The following MBTPS2 variants were observed in gnomAD, a reference collection of about 807,000 sequenced individuals.
The protein encoded by MBTPS2 is membrane-bound transcription factor site-2 protease.
Under a neutral mutation model 35.4 loss-of-function variants are expected in MBTPS2, and 2 were observed. The observed-to-expected ratio is 0.06, with a 90% CI of 0.02 to 0.18. MBTPS2 has a LOEUF of 0.18. Ranked by LOEUF, MBTPS2 falls within the 10% of genes least tolerant of loss-of-function variation. MBTPS2 has a pLI of 1.00. For missense variants in MBTPS2, 244 were observed against 386.5 expected (o/e 0.63, Z 3.09); for synonymous variants, 125 against 140.4 (o/e 0.89, Z 0.77).
At chrX:21,840,136 C>T (rs765047199) in intron 1 of MBTPS2, among the ~76,000 whole-genome samples, 211 of 112,601 alleles carry the variant, frequency 1.9e-3, no homozygotes, top group Non-Finnish European at 3.2e-3. Context: ...GAAAAGAAAA[C>T]GTCTGCTTAG....
At chrX:21,856,829 C>T (rs2092923483) in intron 5 of MBTPS2, 10 of 1,211,837 alleles carry the variant, frequency 8.3e-6, no homozygotes, top group South Asian at 3.5e-5. Flanking sequence ...AAGACGAGCA[C>T]TTCCAGATGA....
chrX:21,875,922 C>T (rs759761243), intron 7 of MBTPS2, among the ~76,000 whole-genome samples: 84 of 111,514 alleles, frequency 7.5e-4, no homozygotes, highest in Non-Finnish European at 1.1e-3. Flanking sequence ...AGAAGGTGGT[C>T]AAGGAACTGC....
intron 1 of MBTPS2, among the ~76,000 whole-genome samples, chrX:21,842,955 G>A (rs760592373): frequency 8.9e-6 from 1 of 112,316 alleles, no homozygotes; most frequent in South Asian, 3.7e-4. Flanking sequence ...TTCGGATTTG[G>A]CCTGTGGCCC....
At chrX:21,866,078 T>TACA (rs1158193700) in intron 5 of MBTPS2, among the ~76,000 whole-genome samples, 36 of 111,577 alleles carry the variant, frequency 3.2e-4, no homozygotes, top group African/African-American at 1.1e-3. Flanking sequence ...ATGCTGGGAT[T>TACA]ACAGGCATGA....
chrX:21,862,955 T>G (rs1447575496), intron 5 of MBTPS2, among the ~76,000 whole-genome samples: 1 of 53,780 alleles, frequency 1.9e-5, no homozygotes, highest in Non-Finnish European at 3.2e-5. Context: ...TATATATATA[T>G]ATATATATAT....
At chrX:21,881,159 A>G (rs1441051584) in intron 10 of MBTPS2, among the ~76,000 whole-genome samples, 187 bp downstream of exon 10, 3 of 112,465 alleles carry the variant, frequency 2.7e-5, no homozygotes, top group African/African-American at 6.5e-5. Flanking sequence ...GAGGAGAAAG[A>G]TTAATCAGAG....
At chrX:21,871,849 A>C (rs1337829037) in intron 7 of MBTPS2, 3 of 109,839 alleles carry the variant, frequency 2.7e-5, no homozygotes, top group African/African-American at 9.9e-5. Flanking sequence ...ATAAACTGCT[A>C]ATTAGGTCCA....
chrX:21,867,452 G>A (rs940804969), intron 5 of MBTPS2, among the ~76,000 whole-genome samples: 9 of 110,829 alleles, frequency 8.1e-5, no homozygotes, highest in African/African-American at 2.3e-4. Context: ...AGATTTAAAT[G>A]TAAAAATAAA....
intron 7 of MBTPS2, among the ~76,000 whole-genome samples, chrX:21,875,403 C>G (rs2092951963): frequency 8.9e-6 from 1 of 111,901 alleles, no homozygotes; most frequent in Admixed American, 9.5e-5. Flanking sequence ...TAGTTCCTCA[C>G]AGTTCCCACC....
In MBTPS2 at chrX:21,839,659, G is replaced by A; in HGVS notation, c.-76G>A. 3 of 1,047,110 alleles carry A rather than the reference G, an allele frequency of 2.9e-6. No homozygotes were observed. Among genetic ancestry groups the A allele is most frequent in the Admixed American group, 2.6e-5 (1 of 38,640 alleles). The allele number at this position is 1,047,110 out of a possible 1,213,427, so 86.3% of individuals were successfully genotyped here. On this transcript the variant is annotated 5_prime_UTR_variant, in exon 1 of 11. Coordinates refer to ENST00000379484, the MANE Select transcript of MBTPS2 (RefSeq NM_015884.4). ...TGAGCGGATGCTGGGGCTGTAAGGCGCGCGCGGTCAGCTGTTGGCGGTGCA... is the reference window on the plus strand; with the variant it reads ...TGAGCGGATGCTGGGGCTGTAAGGCACGCGCGGTCAGCTGTTGGCGGTGCA...
rs147058508 is a variant in MBTPS2, at chrX:21,878,616, T to C, written c.1185T>C (p.Thr395=). 5.1e-5 allele frequency: 62 copies of C among 1,204,896 alleles called. No individual in the cohort carries two copies. Among genetic ancestry groups the C allele is most frequent in the Non-Finnish European group, 6.7e-5 (60 of 890,916 alleles). Residue 395 remains threonine, a synonymous_variant, in exon 9 of 11, where the codon ACT becomes ACC. Coordinates refer to ENST00000379484, the MANE Select transcript of MBTPS2 (RefSeq NM_015884.4). ...TAATACCTTCTTTGGAAACTCACAC[T>C]CGCTTAATAAAAGTAAAACACCCAC... ...FCIIPSLETH[T]RLIKVKHPPQ...
At chrX:21,854,306 C>A (rs2092917950) in intron 5 of MBTPS2, among the ~76,000 whole-genome samples, 1 of 111,543 alleles carries the variant, frequency 9.0e-6, no homozygotes, top group South Asian at 3.7e-4. Flanking sequence ...AGAAAACAGA[C>A]CCTATATCAA....
chrX:21,880,059 T>C lies in MBTPS2; in HGVS notation c.1262-838T>C, dbSNP rs187962025. On this transcript the variant is annotated intron_variant, in intron 9 of 10. Coordinates refer to ENST00000379484, the MANE Select transcript of MBTPS2 (RefSeq NM_015884.4). ...GCCTCTGCCTCCCGGGTTCAAGCAA[T>C]TCTCCTGCCTCAGCCTCCAGAGTAG... Among the ~76,000 whole-genome samples the C allele has an allele frequency of 6.7e-3, 686 of 102,660 alleles. 8 individuals are homozygous for C. Among genetic ancestry groups the C allele is most frequent in the African/African-American group, 0.024 (650 of 27,579 alleles). The allele number at this position is 102,660 out of a possible 115,157, so 89.1% of individuals were successfully genotyped here. A position where few individuals can be genotyped will look rare whatever the true frequency, so the allele number is the denominator to read the frequency against.
chrX:21,880,968 G>A lies in MBTPS2; in HGVS notation c.1333G>A (p.Val445Ile), dbSNP rs1490430757. The part of the protein sequence containing the change: ...IDLPVVVETF[V>I]KYLISLSGAL... ...TCTGCCAGTGGTTGTGGAGACATTTGTCAAGTATCCTTTCTGGTGTGAAAC... is the reference window on the plus strand; with the variant it reads ...TCTGCCAGTGGTTGTGGAGACATTTATCAAGTATCCTTTCTGGTGTGAAAC... The change falls in exon 10 of 11, where the codon GTC becomes ATC. Residue 445 changes from valine to isoleucine, a missense_variant. By Grantham distance (29) the Val-to-Ile change is conservative (BLOSUM62 3). Transcript: ENST00000379484. 8.4e-7 allele frequency: 1 copy of A among 1,188,708 alleles called. No homozygotes were observed. The highest frequency in any genetic ancestry group is 1.8e-5 in the South Asian group (1 of 56,474).
In MBTPS2 at chrX:21,885,173, C is replaced by A; in HGVS notation, c.*2518C>A. The A allele has an allele frequency of 1.3e-6, 1 of 753,772 alleles. No homozygotes were observed. Among genetic ancestry groups the A allele is most frequent in the Non-Finnish European group, 1.6e-6 (1 of 638,911 alleles). 62.1% of individuals were successfully genotyped at this position (753,772 alleles called of 1,213,427 possible). On this transcript the variant is annotated 3_prime_UTR_variant, in exon 11 of 11. Transcript: ENST00000379484. ...TAAACTTGACCTTTTGATAATCGCTCTTACAGGTCATTGTCTGTTCTAACA... is the reference window on the plus strand; with the variant it reads ...TAAACTTGACCTTTTGATAATCGCTATTACAGGTCATTGTCTGTTCTAACA...
At chrX:21,870,007 G>A (rs2092945233) in intron 7 of MBTPS2, 6 of 196,298 alleles carry the variant, frequency 3.1e-5, no homozygotes, top group Non-Finnish European at 4.7e-5. Flanking sequence ...TTGGGAGGCT[G>A]AGGCGGGCGG....
chrX:21,842,509 T>C (rs1382544310), intron 1 of MBTPS2, among the ~76,000 whole-genome samples: 1 of 109,442 alleles, frequency 9.1e-6, no homozygotes, highest in Admixed American at 9.8e-5. Flanking sequence ...CCACATGTGG[T>C]TATTGAGCCT....
Position 21,869,481 on chromosome X carries a change from T to G in MBTPS2, c.790-17T>G. On this transcript the variant is annotated splice_polypyrimidine_tract_variant and intron_variant, in intron 6 of 10. Coordinates refer to ENST00000379484, the MANE Select transcript of MBTPS2 (RefSeq NM_015884.4). ...GTCTTCATGCATTATCTGATTTGGT[T>G]TTACCCTCTTCCCAAGGACTCTCCT... is the stretch of plus-strand genomic sequence containing the variant. 5.0e-6 allele frequency: 6 copies of G among 1,197,286 alleles called. No individual in the cohort carries two copies. Among genetic ancestry groups the G allele is most frequent in the Non-Finnish European group, 6.8e-6 (6 of 882,211 alleles).
At position 21,884,577 on chromosome X, in the gene MBTPS2, AACCACTTTACTAGGAAAGAGCAGATCAGT is replaced by A; in HGVS notation, c.*1927_*1955del. On this transcript the variant is annotated 3_prime_UTR_variant, in exon 11 of 11. Transcript: ENST00000379484. Reference sequence around the variant, plus strand: ...TTGACCCATAGGATCAGGATTTGGGAACCACTTTACTAGGAAAGAGCAGATCAGTACCATTTGTATAAAACCGGCCTCAT... The same window carrying A: ...TTGACCCATAGGATCAGGATTTGGGAACCATTTGTATAAAACCGGCCTCAT... The A allele has an allele frequency of 1.3e-6, 1 of 754,276 alleles. No homozygotes were observed. Among genetic ancestry groups the A allele is most frequent in the South Asian group, 6.7e-5 (1 of 14,858 alleles). The allele number at this position is 754,276 out of a possible 1,213,427, so 62.2% of individuals were successfully genotyped here.
Sources: allele counts gnomAD v4.1 joint callset (sites outside exome capture counted in the v4.1 genomes callset), GRCh38; gene constraint gnomAD v4.1.1; transcripts MANE v1.5; gene names NCBI Gene and HGNC (gene_info 2026-07-23, HGNC 2026-07-21).